Variants in USP21 observed in about 807,000 individuals in gnomAD.
USP21 encodes the protein ubiquitin specific peptidase 21.
USP21 carries 37 observed loss-of-function variants against 70.8 expected under a neutral mutation model. The observed-to-expected ratio is 0.52, with a 90% CI of 0.40 to 0.69. The LOEUF is 0.69. Ranked by LOEUF, USP21 falls within the 30% of genes least tolerant of loss-of-function variation. The pLI is 0.00. For missense variants in USP21, 584 were observed against 740.8 expected (o/e 0.79, Z 2.46); for synonymous variants, 263 against 283.1 (o/e 0.93, Z 0.71).
rs1360357099 is a variant in USP21 at position 161,163,992 on chromosome 1, AGAGGATTCCG to A, written c.1218+13_1218+22del. On this transcript the variant is annotated intron_variant, in intron 9 of 13. Coordinates refer to ENST00000368002, the MANE Select transcript of USP21 (RefSeq NM_001014443.3). ...CTGCCCATCCCCAAGGTGGGATTCC[AGAGGATTCCG>A]GGGTGGACAGGACAGGGGCTCTGTG... is the stretch of plus-strand genomic sequence containing the variant. The A allele has an allele frequency of 1.9e-6, 3 of 1,613,094 alleles. No individual in the cohort carries two copies. The highest frequency in any genetic ancestry group is 2.2e-5 in the East Asian group (1 of 44,874).
Position 161,162,503 on chromosome 1 carries a change from CT to C in USP21, c.782-108del. On this transcript the variant is annotated intron_variant, in intron 5 of 13. Coordinates refer to ENST00000368002, the MANE Select transcript of USP21 (RefSeq NM_001014443.3). This position sits in a 1 kb window ranked among gnomAD's most constrained non-coding sequence, Gnocchi z 4.1. ...CCCTTAAATCTGGCAGTTGTATCTA[CT>C]TTTCCCAGTGCCTACTTTCCTAAAG... The C allele has an allele frequency of 6.5e-7, 1 of 1,545,530 alleles. No individual in the cohort carries two copies. Among genetic ancestry groups the C allele is most frequent in the Non-Finnish European group, 8.9e-7 (1 of 1,127,478 alleles).
Position 161,163,938 on chromosome 1 carries a change from C to T in USP21, c.1175C>T (p.Thr392Met), listed in dbSNP as rs1658160204. Reference protein sequence around the residue: ...LKCQACGYRSTTFEVFCDLSL... With the variant: ...LKCQACGYRSMTFEVFCDLSL... The stretch of plus-strand genomic sequence containing the variant: ...TGCCAGGCCTGTGGGTATCGCTCCA[C>T]GACCTTCGAGGTTTTTTGTGACCTG... Residue 392 changes from threonine (T) to methionine (M), a missense_variant, in exon 9 of 14, where the codon ACG becomes ATG. Coordinates refer to ENST00000368002, the MANE Select transcript of USP21 (RefSeq NM_001014443.3). The T allele has an allele frequency of 3.7e-6, 6 of 1,614,182 alleles. No individual in the cohort carries two copies. The highest frequency in any genetic ancestry group is 4.2e-6 in the Non-Finnish European group (5 of 1,180,042).
In USP21 at chr1:161,164,558, A is replaced by G. The variant is rs1658338524; in HGVS notation, c.1330A>G (p.Thr444Ala). ...APVCDRCRQK[T>A]RSTKKLTVQR... ...GGTGTGTGACCGATGTCGGCAGAAA[A>G]CTCGAAGTACCAAAAAGTTGACAGT... Residue 444 changes from threonine (T) to alanine (A), a missense_variant, in exon 11 of 14, where the codon ACT becomes GCT. Coordinates refer to ENST00000368002, the MANE Select transcript of USP21 (RefSeq NM_001014443.3). The surrounding 1 kb of genome is among the most constrained non-coding windows in gnomAD (Gnocchi z 4.2). The G allele has an allele frequency of 1.2e-6, 2 of 1,613,894 alleles. No homozygotes were observed. Among genetic ancestry groups the G allele is most frequent in the Admixed American group, 1.7e-5 (1 of 60,010 alleles).
In USP21 at chr1:161,162,910, TG is replaced by T; in HGVS notation, c.894-7del. ...GAGTCAGTTGCCCATACTCTTTGTC[TG>T]GCTGTAGCCAGCAGGATGCCCAAGA... On this transcript the variant is annotated splice_region_variant and splice_polypyrimidine_tract_variant and intron_variant, in intron 6 of 13. Transcript: ENST00000368002. The surrounding 1 kb of genome is among the most constrained non-coding windows in gnomAD (Gnocchi z 4.1). 6.2e-7 allele frequency: 1 copy of T among 1,605,512 alleles called. No homozygotes were observed. The highest frequency in any genetic ancestry group is 8.5e-7 in the Non-Finnish European group (1 of 1,175,200).
In USP21 at chr1:161,165,420, G is replaced by A; in HGVS notation, c.1671G>A (p.Leu557=). ...AGGGCTACGTGCTGTTCTACCAACT[G>A]ATGCAGGAGCCACCCCGGTGCCTGT... The part of the protein sequence containing the change: ...SSEGYVLFYQ[L]MQEPPRCL The change falls in exon 14 of 14, where the codon CTG becomes CTA. Residue 557 remains leucine (L), a synonymous_variant. Transcript: ENST00000368002. The A allele has an allele frequency of 6.2e-7, 1 of 1,614,106 alleles. No homozygotes were observed. The highest frequency in any genetic ancestry group is 1.3e-5 in the African/African-American group (1 of 75,002).
chr1:161,165,478 T>A lies in USP21; in HGVS notation c.*31T>A, dbSNP rs745955405. Reference sequence around the variant, plus strand: ...CTAAGCTCTGGCACCTGTGAAGCCCTTTAAACACCCTTAAGCCCCAGGCTC... The same window carrying A: ...CTAAGCTCTGGCACCTGTGAAGCCCATTAAACACCCTTAAGCCCCAGGCTC... On this transcript the variant is annotated 3_prime_UTR_variant, in exon 14 of 14. Transcript: ENST00000368002. The A allele has an allele frequency of 6.5e-7, 1 of 1,547,882 alleles. No individual in the cohort carries two copies. The highest frequency in any genetic ancestry group is 1.1e-5 in the South Asian group (1 of 89,424).
intron 8 of USP21, 31 bp downstream of exon 8, chr1:161,163,650 A>G (rs1279744234): frequency 1.3e-6 from 2 of 1,553,006 alleles, no homozygotes. Context: ...ATGAGGGAAA[A>G]TTAGTGTGTG....
chr1:161,162,332 G>C lies in USP21; in HGVS notation c.723G>C (p.Leu241=). 1 of 1,613,684 alleles carries C rather than the reference G, an allele frequency of 6.2e-7. No individual in the cohort carries two copies. The highest frequency in any genetic ancestry group is 1.7e-4 in the Middle Eastern group (1 of 6,058). The change falls in exon 5 of 14, where the codon CTG becomes CTC. Residue 241 remains leucine, a synonymous_variant. Transcript: ENST00000368002. This position sits in a 1 kb window ranked among gnomAD's most constrained non-coding sequence, Gnocchi z 4.1. ...SSTRPLRDFC[L]RRDFRQEVPG... Reference sequence around the variant, plus strand: ...CTCGACCTCTTCGGGACTTCTGTCTGAGAAGGGACTTCCGGCAAGAGGTGC... The same window carrying C: ...CTCGACCTCTTCGGGACTTCTGTCTCAGAAGGGACTTCCGGCAAGAGGTGC...
chr1:161,165,182 A>G, intron 13 of USP21, 39 bp downstream of exon 13: 1 of 1,577,780 alleles, frequency 6.3e-7, no homozygotes, highest in East Asian at 2.2e-5. Context: ...CCCCATTCCC[A>G]CTCAGCCCTG....
At position 161,163,682 on chromosome 1, in the gene USP21, GA is replaced by G. The variant is rs1185776674; in HGVS notation, c.1114+68del. The G allele has an allele frequency of 4.5e-5, 43 of 962,308 alleles. No individual in the cohort carries two copies. In the East Asian group the frequency reaches 1.3e-3, roughly 29 times the overall value. The allele number at this position is 962,308 out of a possible 1,614,324, so 59.6% of individuals were successfully genotyped here. On this transcript the variant is annotated intron_variant, in intron 8 of 13. Transcript: ENST00000368002. ...TGTGAGGGGGGTACAGGCTTGGGGG[GA>G]AAAATCGATACTATCAAGGGGTATG...
At position 161,165,532 on chromosome 1, in the gene USP21, G is replaced by T; in HGVS notation, c.*85G>T. The T allele has an allele frequency of 1.5e-6, 1 of 678,056 alleles. No homozygotes were observed. 42.0% of individuals were successfully genotyped at this position (678,056 alleles called of 1,614,324 possible). ...GTTTACCTCAGAGACGTCTATTTTTGTGTCTTTTTAATCGGGGAGGGGGGA... is the reference window on the plus strand; with the variant it reads ...GTTTACCTCAGAGACGTCTATTTTTTTGTCTTTTTAATCGGGGAGGGGGGA... On this transcript the variant is annotated 3_prime_UTR_variant, in exon 14 of 14. Coordinates refer to ENST00000368002, the MANE Select transcript of USP21 (RefSeq NM_001014443.3).
Position 161,164,299 on chromosome 1 carries a change from G to A in USP21, c.1305+49G>A, listed in dbSNP as rs1008000386. On this transcript the variant is annotated intron_variant, in intron 10 of 13. Transcript: ENST00000368002. The surrounding 1 kb of genome is among the most constrained non-coding windows in gnomAD (Gnocchi z 4.2). ...ACAGTAAGGGTGGGAGACCTGGGGG[G>A]ACTCCATGTGGATAAAAGGGATTGC... The A allele has an allele frequency of 1.9e-6, 3 of 1,551,746 alleles. No homozygotes were observed. Among genetic ancestry groups the A allele is most frequent in the East Asian group, 2.2e-5 (1 of 44,608 alleles).
In USP21 at chr1:161,164,774, G is replaced by A; in HGVS notation, c.1385-61G>A. ...GGAGTGGGGAGAGGACAGCTTTCAG[G>A]ATAGAAGAAGTTCCCCTCAGAGGCC... On this transcript the variant is annotated intron_variant, in intron 11 of 13. Coordinates refer to ENST00000368002, the MANE Select transcript of USP21 (RefSeq NM_001014443.3). This position sits in a 1 kb window ranked among gnomAD's most constrained non-coding sequence, Gnocchi z 4.2. The A allele has an allele frequency of 6.3e-7, 1 of 1,597,702 alleles. No individual in the cohort carries two copies. Among genetic ancestry groups the A allele is most frequent in the Non-Finnish European group, 8.5e-7 (1 of 1,170,264 alleles).
At position 161,162,017 on chromosome 1, in the gene USP21, G is replaced by A. The variant is rs377562722; in HGVS notation, c.601-21G>A. 276 of 1,614,000 alleles carry A rather than the reference G, an allele frequency of 1.7e-4. 3 individuals carry two copies. The East Asian group carries it at 3.5e-3, about 20-fold the overall frequency. ...CAGGTAGGATATATAGGAACTTGCC[G>A]ATTGTACTCTGACCTTCCAGGCTCA... On this transcript the variant is annotated intron_variant, in intron 3 of 13. Coordinates refer to ENST00000368002, the MANE Select transcript of USP21 (RefSeq NM_001014443.3). The surrounding 1 kb of genome is among the most constrained non-coding windows in gnomAD (Gnocchi z 4.1).
chr1:161,161,355 C>A lies in USP21; in HGVS notation c.600+115C>A. ...AAGTTCCTTTCTCAGCCCTTCATTA[C>A]AGCAGTTTGGACATGCCTCTCCCTT... is the stretch of plus-strand genomic sequence containing the variant. On this transcript the variant is annotated intron_variant, in intron 3 of 13. Coordinates refer to ENST00000368002, the MANE Select transcript of USP21 (RefSeq NM_001014443.3). The surrounding 1 kb of genome is among the most constrained non-coding windows in gnomAD (Gnocchi z 4.2). The A allele has an allele frequency of 9.5e-6, 13 of 1,362,470 alleles. No individual in the cohort carries two copies. The highest frequency in any genetic ancestry group is 4.3e-5 in the South Asian group (3 of 70,000). 84.4% of individuals were successfully genotyped at this position (1,362,470 alleles called of 1,614,324 possible). A position where few individuals can be genotyped will look rare whatever the true frequency, so the allele number is the denominator to read the frequency against.
intron 7 of USP21, 65 bp downstream of exon 7, chr1:161,163,139 C>T: frequency 6.6e-7 from 1 of 1,505,024 alleles, no homozygotes; most frequent in South Asian, 1.3e-5. Flanking sequence ...CTTCATAGAA[C>T]TAAACTAGTA....
In USP21 at chr1:161,161,040, G is replaced by A; in HGVS notation, c.400G>A (p.Glu134Lys). ...CTTGGGAGGGCACCGTGGCACCGGA[G>A]AGCTTGGGGCTGCACTGAGCCGCTT... is the stretch of plus-strand genomic sequence containing the variant. The part of the protein sequence containing the change: ...IALGGHRGTG[E>K]LGAALSRLAL... Residue 134 changes from glutamate to lysine, a missense_variant, in exon 3 of 14, where the codon GAG (glutamate) becomes AAG (lysine). This residue lies in a region of USP21 where 284 missense variants were observed against 281.0 expected (regional missense o/e 1.01). Transcript: ENST00000368002. The surrounding 1 kb of genome is among the most constrained non-coding windows in gnomAD (Gnocchi z 4.2). The A allele has an allele frequency of 1.9e-6, 3 of 1,614,258 alleles. No individual in the cohort carries two copies. The highest frequency in any genetic ancestry group is 2.5e-6 in the Non-Finnish European group (3 of 1,180,050).
chr1:161,164,264 C>T lies in USP21; in HGVS notation c.1305+14C>T. The T allele has an allele frequency of 6.2e-7, 1 of 1,613,082 alleles. No homozygotes were observed. The highest frequency in any genetic ancestry group is 8.5e-7 in the Non-Finnish European group (1 of 1,179,132). ...GAGAATGCCCCAGTATGTGGAGGTTCACAAGGGATACAGTAAGGGTGGGAG... is the reference window on the plus strand; with the variant it reads ...GAGAATGCCCCAGTATGTGGAGGTTTACAAGGGATACAGTAAGGGTGGGAG... On this transcript the variant is annotated intron_variant, in intron 10 of 13. Transcript: ENST00000368002. The surrounding 1 kb of genome is among the most constrained non-coding windows in gnomAD (Gnocchi z 4.2).
In USP21 at chr1:161,161,589, AG is replaced by A. The variant is rs1558002654; in HGVS notation, c.600+350del. The A allele has an allele frequency of 2.7e-6, 1 of 372,796 alleles. No homozygotes were observed. Among genetic ancestry groups the A allele is most frequent in the African/African-American group, 2.0e-5 (1 of 49,016 alleles). The allele number at this position is 372,796 out of a possible 1,614,324, so 23.1% of individuals were successfully genotyped here. ...TCTGGAGCTAAAGAGAGGCAGGCACAGAACATCTTAGCAAACGTGGTTGCAC... is the reference window on the plus strand; with the variant it reads ...TCTGGAGCTAAAGAGAGGCAGGCACAAACATCTTAGCAAACGTGGTTGCAC... On this transcript the variant is annotated intron_variant, in intron 3 of 13. Transcript: ENST00000368002. The surrounding 1 kb of genome is among the most constrained non-coding windows in gnomAD (Gnocchi z 4.2).
Sources: allele counts gnomAD v4.1 joint callset, GRCh38; gene constraint gnomAD v4.1.1; regional missense constraint gnomAD v4.1.1; non-coding constraint Gnocchi (gnomAD v3.1); transcripts MANE v1.5; gene names NCBI Gene and HGNC (gene_info 2026-07-23, HGNC 2026-07-21).